The following CCDC33 variants were observed in gnomAD, a reference collection of about 807,000 sequenced individuals.
CCDC33 encodes coiled-coil domain-containing protein 33.
Under a neutral mutation model 91.9 loss-of-function variants are expected in CCDC33, and 94 were observed. The ratio of observed to expected loss-of-function variants is 1.02; its 90% CI spans 0.87 to 1.21. The LOEUF is 1.21. Among genes scored for constraint, CCDC33 ranks in the 50% most tolerant of loss-of-function variants. The probability of loss-of-function intolerance (pLI) is 0.00; values close to 1 mark genes in which losing one functional copy is unlikely to be tolerated. For missense variants in CCDC33, 940 were observed against 935.5 expected, an observed-to-expected ratio of 1.00 and a Z score of -0.06; for synonymous variants, 396 against 374.5, an observed-to-expected ratio of 1.06 and a Z score of -0.66.
chr15:74,306,025 G>A (rs192170599), intron 11 of CCDC33, among the ~76,000 whole-genome samples: 1 of 152,334 alleles, frequency 6.6e-6, no homozygotes, highest in African/African-American at 2.4e-5. Context: ...GCACTTTGCA[G>A]GAGGCTTATT....
chr15:74,298,368 G>C (rs1596062584), intron 11 of CCDC33, among the ~76,000 whole-genome samples: 1 of 152,206 alleles, frequency 6.6e-6, no homozygotes, highest in Admixed American at 6.5e-5. Flanking sequence ...GAATGGATCT[G>C]AGAGGTAGGC....
intron 10 of CCDC33, among the ~76,000 whole-genome samples, chr15:74,294,966 C>T (rs2059655568): frequency 6.6e-6 from 1 of 151,914 alleles, no homozygotes. Context: ...AGGAGGAGAA[C>T]GGGAAAAGAA....
intron 2 of CCDC33, among the ~76,000 whole-genome samples, chr15:74,223,752 A>ACACG (rs2074689468): frequency 9.6e-6 from 1 of 103,676 alleles, no homozygotes; most frequent in South Asian, 5.3e-4. Flanking sequence ...ACACACACAC[A>ACACG]CACACACACA....
chr15:74,245,211 C>A (rs1458573892), intron 2 of CCDC33, among the ~76,000 whole-genome samples: 1 of 152,206 alleles, frequency 6.6e-6, no homozygotes, highest in Non-Finnish European at 1.5e-5. Context: ...ATGCATCCAA[C>A]ATAGGCCTGA....
chr15:74,215,561 A>T (rs2074418878), upstream of CCDC33, among the ~76,000 whole-genome samples: 1 of 152,124 alleles, frequency 6.6e-6, no homozygotes, highest in South Asian at 2.1e-4. Context: ...TTAAAAAGTA[A>T]CTGTACACAC....
At chr15:74,295,978 C>G in intron 11 of CCDC33, 30 bp downstream of exon 11, 1 of 1,575,762 alleles carries the variant, frequency 6.3e-7, no homozygotes, top group Non-Finnish European at 8.6e-7. Flanking sequence ...TGGGAAGGGC[C>G]GGGGCAGTGA....
intron 3 of CCDC33, among the ~76,000 whole-genome samples, chr15:74,265,860 C>T (rs534480572): frequency 9.2e-5 from 14 of 152,292 alleles, no homozygotes; most frequent in African/African-American, 2.9e-4. Context: ...CTTGTCTCTA[C>T]TAAAAATACA....
At chr15:74,303,681 A>G (rs539131423) in intron 11 of CCDC33, 2 of 152,612 alleles carry the variant, frequency 1.3e-5, no homozygotes, top group Non-Finnish European at 2.9e-5. Context: ...CACACTCACG[A>G]GCTCCCGCCC....
At chr15:74,315,838 T>G (rs896963068) in intron 11 of CCDC33, among the ~76,000 whole-genome samples, 2 of 151,992 alleles carry the variant, frequency 1.3e-5, no homozygotes, top group Non-Finnish European at 2.9e-5. Context: ...AGCTGCACTA[T>G]TAAGTGTGGA....
intron 1 of CCDC33, among the ~76,000 whole-genome samples, chr15:74,241,524 C>G (rs962301540): frequency 1.3e-5 from 2 of 152,166 alleles, no homozygotes; most frequent in Non-Finnish European, 2.9e-5. Context: ...AAGATGAGGT[C>G]AGTTTTCTGG....
chr15:74,313,970 G>A (rs999966914), intron 11 of CCDC33, among the ~76,000 whole-genome samples: 4 of 152,132 alleles, frequency 2.6e-5, no homozygotes, highest in African/African-American at 4.8e-5. Context: ...CCTCCTTGCC[G>A]CGTGTCCTGT....
At chr15:74,240,362 G>A (rs1208753415) in intron 1 of CCDC33, among the ~76,000 whole-genome samples, 2 of 152,132 alleles carry the variant, frequency 1.3e-5, no homozygotes, top group Non-Finnish European at 2.9e-5. Context: ...TCTTACTCCT[G>A]GGCCCTCCCT....
At chr15:74,247,954 G>C (rs909407736) in intron 2 of CCDC33, among the ~76,000 whole-genome samples, 15 of 152,130 alleles carry the variant, frequency 9.9e-5, no homozygotes, top group Non-Finnish European at 1.9e-4. Context: ...GTGGGCACAT[G>C]TAATCCCAGC....
intron 11 of CCDC33, among the ~76,000 whole-genome samples, chr15:74,315,889 G>A (rs751496872): frequency 1.3e-5 from 2 of 152,118 alleles, no homozygotes; most frequent in East Asian, 1.9e-4. Context: ...GACCTTGACC[G>A]CCAAGCTGGG....
intron 11 of CCDC33, chr15:74,303,909 C>T (rs1305564325): frequency 6.6e-6 from 1 of 152,328 alleles, no homozygotes; most frequent in Non-Finnish European, 1.5e-5. Flanking sequence ...CCAACTCTGA[C>T]CTTTTTCTCT....
intron 11 of CCDC33, among the ~76,000 whole-genome samples, chr15:74,296,428 C>T (rs2059688403): frequency 6.6e-6 from 1 of 152,076 alleles, no homozygotes; most frequent in African/African-American, 2.4e-5. Context: ...AGTTCGAGAC[C>T]AGCCTGACCT....
At chr15:74,328,831 G>A (rs1196167805) in intron 11 of CCDC33, among the ~76,000 whole-genome samples, 1 of 152,202 alleles carries the variant, frequency 6.6e-6, no homozygotes, top group Non-Finnish European at 1.5e-5. Context: ...GCCGAGCTCT[G>A]CTTCCTGGAG....
intron 11 of CCDC33, among the ~76,000 whole-genome samples, chr15:74,327,683 G>T (rs192537229): frequency 1.3e-5 from 2 of 152,238 alleles, no homozygotes; most frequent in East Asian, 3.9e-4. Context: ...CAAAACAGCT[G>T]AGTTGGAGAA....
intron 5 of CCDC33, among the ~76,000 whole-genome samples, chr15:74,269,047 C>T (rs1334085566): frequency 1.3e-5 from 2 of 152,266 alleles, no homozygotes; most frequent in African/African-American, 4.8e-5. Context: ...GCTGAGCCCA[C>T]CTTGGGCCTG....
Sources: gnomAD v4.1 joint callset for allele counts (sites outside exome capture counted in the v4.1 genomes callset) on GRCh38, gnomAD v4.1.1 for gene constraint, MANE v1.5 for transcripts, NCBI Gene and HGNC (gene_info 2026-07-23, HGNC 2026-07-21) for gene names.